The following PRKG1 variants were observed in gnomAD, a reference collection of about 807,000 sequenced individuals.
PRKG1 encodes protein kinase cGMP-dependent 1, also known as cGMP-dependent protein kinase 1.
Under a neutral mutation model 88.1 loss-of-function variants are expected in PRKG1, and 35 were observed. The observed-to-expected ratio is 0.40, with a 90% CI of 0.30 to 0.53. The LOEUF (loss-of-function observed/expected upper bound fraction) is 0.53, where lower values mean the gene tolerates loss of function less well. Among genes scored for constraint, PRKG1 ranks in the 20% least tolerant of loss-of-function variants. PRKG1 has a pLI of 0.59. For synonymous variants in PRKG1, 303 were observed against 292.5 expected (o/e 1.04, Z -0.37); for missense variants, 540 against 839.8 (o/e 0.64, Z 4.41).
At position 51,525,615 on chromosome 10, in the gene PRKG1, G is replaced by A. The variant is rs569786234; in HGVS notation, c.592+57779G>A. Among the ~76,000 whole-genome samples, 58 of 152,180 alleles carry A rather than the reference G, an allele frequency of 3.8e-4. 1 individual carries two copies. The South Asian group carries it at 0.011, about 28-fold the overall frequency. On this transcript the variant is annotated intron_variant, in intron 3 of 17. Transcript: ENST00000373980. Reference sequence around the variant, plus strand: ...CGGGAGGCTGAGGCAGGAGAATGGCGTGAACCCAGGAGGCAGAGCTTGCAG... The same window carrying A: ...CGGGAGGCTGAGGCAGGAGAATGGCATGAACCCAGGAGGCAGAGCTTGCAG...
chr10:51,868,023 G>A (rs1167913516), intron 4 of PRKG1, among the ~76,000 whole-genome samples: 1 of 152,142 alleles, frequency 6.6e-6, no homozygotes, highest in Non-Finnish European at 1.5e-5. Context: ...GTATATACCA[G>A]TGACTAGTAA....
chr10:52,014,452 A>T (rs965776535), intron 5 of PRKG1, among the ~76,000 whole-genome samples: 1 of 152,138 alleles, frequency 6.6e-6, no homozygotes, highest in Non-Finnish European at 1.5e-5. Context: ...CACCCCCATC[A>T]GGTCTTGTCC....
intron 1 of PRKG1, among the ~76,000 whole-genome samples, chr10:51,150,584 AT>A (rs1222245355): frequency 1.3e-5 from 2 of 152,132 alleles, no homozygotes; most frequent in African/African-American, 4.8e-5. Context: ...AAATAATGCT[AT>A]TTGGCAATAT....
At chr10:51,019,770 T>A (rs911676827) in intron 1 of PRKG1, among the ~76,000 whole-genome samples, 2 of 151,850 alleles carry the variant, frequency 1.3e-5, no homozygotes, top group Non-Finnish European at 2.9e-5. Context: ...ATCCAGAATA[T>A]GTAGAGAACT....
At chr10:51,905,329 G>A (rs1842062833) in intron 4 of PRKG1, among the ~76,000 whole-genome samples, 1 of 152,082 alleles carries the variant, frequency 6.6e-6, no homozygotes, top group Non-Finnish European at 1.5e-5. Context: ...TCATCAATAA[G>A]CCTTACCCTA....
At chr10:51,767,134 T>C (rs901283742) in intron 3 of PRKG1, among the ~76,000 whole-genome samples, 25 of 152,134 alleles carry the variant, frequency 1.6e-4, no homozygotes, top group African/African-American at 6.0e-4. Flanking sequence ...TCAAAATCCT[T>C]CAGGAATTTT....
chr10:51,556,717 C>T (rs748696549), intron 3 of PRKG1, among the ~76,000 whole-genome samples: 8 of 151,896 alleles, frequency 5.3e-5, no homozygotes, highest in Non-Finnish European at 1.0e-4. Flanking sequence ...CTGGGAACTA[C>T]CAGACTGAGG....
intron 4 of PRKG1, among the ~76,000 whole-genome samples, chr10:51,887,776 AGTTT>A (rs1488142731): frequency 3.9e-5 from 6 of 152,168 alleles, no homozygotes; most frequent in African/African-American, 1.2e-4. Context: ...ATTTTTAATT[AGTTT>A]GTTTCTTTGT....
intron 4 of PRKG1, among the ~76,000 whole-genome samples, chr10:51,872,538 A>G (rs1203599020): frequency 6.6e-6 from 1 of 152,222 alleles, no homozygotes; most frequent in African/African-American, 2.4e-5. Flanking sequence ...AAGATAAATT[A>G]ACTACAAGAC....
intron 3 of PRKG1, among the ~76,000 whole-genome samples, chr10:51,527,248 C>A (rs1841905456): frequency 6.6e-6 from 1 of 151,668 alleles, no homozygotes; most frequent in South Asian, 2.1e-4. Flanking sequence ...AATAAAGGAG[C>A]AAACATTCTA....
chr10:51,669,425 T>C (rs1190411017), intron 3 of PRKG1, among the ~76,000 whole-genome samples: 1 of 152,148 alleles, frequency 6.6e-6, no homozygotes, highest in African/African-American at 2.4e-5. Context: ...GTATCTCCAA[T>C]ACAGTCACAC....
chr10:51,850,254 G>C (rs1840512898), intron 4 of PRKG1, among the ~76,000 whole-genome samples: 1 of 152,130 alleles, frequency 6.6e-6, no homozygotes, highest in African/African-American at 2.4e-5. Flanking sequence ...TCAGCTCACT[G>C]CAAACTCTGC....
At chr10:51,782,955 C>G (rs939110699) in intron 3 of PRKG1, among the ~76,000 whole-genome samples, 6 of 151,990 alleles carry the variant, frequency 3.9e-5, no homozygotes, top group African/African-American at 1.4e-4. Context: ...ACTCTTGAGT[C>G]CTGTCTTTTG....
chr10:51,183,794 A>C (rs771218549), intron 2 of PRKG1, among the ~76,000 whole-genome samples: 1 of 152,010 alleles, frequency 6.6e-6, no homozygotes, highest in Non-Finnish European at 1.5e-5. Context: ...GTGTTTCTTT[A>C]CTGTTCTGAT....
intron 3 of PRKG1, among the ~76,000 whole-genome samples, chr10:51,642,222 T>TCCA (rs1839817904): frequency 6.6e-6 from 1 of 151,990 alleles, no homozygotes; most frequent in Non-Finnish European, 1.5e-5. Context: ...AAACTCCTTC[T>TCCA]CCACTAAAAA....
At chr10:51,944,543 T>A (rs1482043371) in intron 5 of PRKG1, among the ~76,000 whole-genome samples, 12 of 152,206 alleles carry the variant, frequency 7.9e-5, no homozygotes, top group African/African-American at 1.4e-4. Context: ...TTAATTATAA[T>A]GTTAGGGTGT....
At chr10:51,728,731 T>TG (rs1301976298) in intron 3 of PRKG1, among the ~76,000 whole-genome samples, 1 of 152,046 alleles carries the variant, frequency 6.6e-6, no homozygotes, top group Non-Finnish European at 1.5e-5. Flanking sequence ...AATAGAATGA[T>TG]GAGAAAGGAA....
chr10:51,829,813 T>G (rs1839960325), intron 4 of PRKG1, among the ~76,000 whole-genome samples: 1 of 152,208 alleles, frequency 6.6e-6, no homozygotes, highest in Non-Finnish European at 1.5e-5. Flanking sequence ...TTATATTTAA[T>G]AAAGTATTAA....
chr10:51,300,542 C>T (rs1267175787), intron 2 of PRKG1, among the ~76,000 whole-genome samples: 1 of 152,156 alleles, frequency 6.6e-6, no homozygotes. Flanking sequence ...TATAGCCTTG[C>T]TGATGAATTT....
Sources: gnomAD v4.1 joint callset for allele counts (sites outside exome capture counted in the v4.1 genomes callset) on GRCh38, gnomAD v4.1.1 for gene constraint, MANE v1.5 for transcripts, NCBI Gene and HGNC (gene_info 2026-07-23, HGNC 2026-07-21) for gene names.